The following RPH3A variants were observed in gnomAD, a reference collection of about 807,000 sequenced individuals.
RPH3A encodes the protein rabphilin 3A.
RPH3A carries 48 observed loss-of-function variants against 102.2 expected under a neutral mutation model. The observed-to-expected ratio is 0.47, with a 90% CI of 0.37 to 0.60. The LOEUF (loss-of-function observed/expected upper bound fraction) is 0.60, where lower values mean the gene tolerates loss of function less well. RPH3A is among the 20% of genes least tolerant of loss of function. RPH3A has a pLI of 0.00. For missense variants in RPH3A, 781 were observed against 910.1 expected, an observed-to-expected ratio of 0.86 and a Z score of 1.83; for synonymous variants, 310 against 324.3, an observed-to-expected ratio of 0.96 and a Z score of 0.47.
At chr12:112,712,923 TC>T (rs2040476890) in intron 1 of RPH3A, among the ~76,000 whole-genome samples, 6 of 95,324 alleles carry the variant, frequency 6.3e-5, no homozygotes, top group Admixed American at 3.6e-4. Flanking sequence ...TTCTTCTTCT[TC>T]CTCTTCTTCT....
At chr12:112,827,446 C>T (rs1440255359) in intron 2 of RPH3A, among the ~76,000 whole-genome samples, 10 of 152,080 alleles carry the variant, frequency 6.6e-5, no homozygotes, top group Non-Finnish European at 5.9e-5. Context: ...TTGATCTTCT[C>T]ATCAGTTGGT....
At chr12:112,895,097 G>A (rs994066262) in intron 20 of RPH3A, among the ~76,000 whole-genome samples, 1 of 151,968 alleles carries the variant, frequency 6.6e-6, no homozygotes, top group Admixed American at 6.6e-5. Flanking sequence ...CACTTCAACT[G>A]TATTTATTTA....
chr12:112,852,622 C>G (rs904506721), intron 5 of RPH3A, among the ~76,000 whole-genome samples: 1 of 152,104 alleles, frequency 6.6e-6, no homozygotes, highest in African/African-American at 2.4e-5. Context: ...CTAGCTTGCC[C>G]TAGATGCCTG....
At chr12:112,676,918 G>T (rs1363956307) in intron 1 of RPH3A, among the ~76,000 whole-genome samples, 1 of 152,172 alleles carries the variant, frequency 6.6e-6, no homozygotes, top group East Asian at 1.9e-4. Context: ...GAGGGGCAAG[G>T]TAGCTTTTCT....
At chr12:112,672,576 G>T (rs1202990121) in intron 1 of RPH3A, among the ~76,000 whole-genome samples, 1 of 152,164 alleles carries the variant, frequency 6.6e-6, no homozygotes, top group Non-Finnish European at 1.5e-5. Flanking sequence ...CACAGCTGCA[G>T]GTGCCTTGGT....
At chr12:112,809,593 C>A (rs2041532935) in intron 2 of RPH3A, among the ~76,000 whole-genome samples, 1 of 152,182 alleles carries the variant, frequency 6.6e-6, no homozygotes, top group Admixed American at 6.5e-5. Flanking sequence ...TGGGCCAGCA[C>A]CATGCCAGGA....
At chr12:112,835,356 A>G (rs12320677) in intron 3 of RPH3A, among the ~76,000 whole-genome samples, 9,750 of 152,248 alleles carry the variant, frequency 0.064, 529 homozygotes, top group Admixed American at 0.15. Flanking sequence ...GATGGGGTAA[A>G]ATATTTATTT....
chr12:112,729,339 C>G (rs1310484258), intron 1 of RPH3A, among the ~76,000 whole-genome samples: 3 of 152,070 alleles, frequency 2.0e-5, no homozygotes, highest in Non-Finnish European at 2.9e-5. Flanking sequence ...AGTGTGTCAT[C>G]AAGCCTGGCT....
chr12:112,612,517 G>A (rs928064157), intron 1 of RPH3A, among the ~76,000 whole-genome samples: 1 of 151,024 alleles, frequency 6.6e-6, no homozygotes, highest in Admixed American at 6.6e-5. Context: ...GGCCCTAGAG[G>A]ATCCTAGGAA....
intron 4 of RPH3A, among the ~76,000 whole-genome samples, chr12:112,845,210 G>A (rs545966259): frequency 6.6e-6 from 1 of 152,242 alleles, no homozygotes; most frequent in South Asian, 2.1e-4. Context: ...CTAGAGGCTG[G>A]CCACCATACT....
intron 5 of RPH3A, 127 bp downstream of exon 5, chr12:112,847,969 C>T (rs554437969): frequency 8.2e-5 from 81 of 982,856 alleles, no homozygotes; most frequent in African/African-American, 5.9e-4. Context: ...TTGTGACTTA[C>T]GGGGCCACCT....
Position 112,875,174 on chromosome 12 carries a change from C to A in RPH3A, c.883+4C>A, listed in dbSNP as rs969188093. The A allele has an allele frequency of 6.3e-7, 1 of 1,596,562 alleles. No individual in the cohort carries two copies. The highest frequency in any genetic ancestry group is 8.5e-7 in the Non-Finnish European group (1 of 1,171,816). ...CCACCTCAGCCTGGGCAGCCAGGTA[C>A]CTGCCACTCACCTGCTAGCACCTGC... On this transcript the variant is annotated splice_donor_region_variant and intron_variant, in intron 11 of 21. Coordinates refer to ENST00000389385, the MANE Select transcript of RPH3A (RefSeq NM_001143854.2).
intron 1 of RPH3A, among the ~76,000 whole-genome samples, chr12:112,785,613 C>G (rs1179532708): frequency 6.6e-6 from 1 of 152,154 alleles, no homozygotes; most frequent in Admixed American, 6.5e-5. Context: ...GGGCTCTGCT[C>G]TAAGTGCTTT....
intron 2 of RPH3A, among the ~76,000 whole-genome samples, chr12:112,805,769 C>A (rs1045419761): frequency 1.3e-5 from 2 of 152,178 alleles, no homozygotes; most frequent in African/African-American, 4.8e-5. Flanking sequence ...AATGTCTAGT[C>A]TCTGAATTGC....
chr12:112,706,385 C>T (rs55654449), intron 1 of RPH3A, among the ~76,000 whole-genome samples: 33,678 of 152,042 alleles, frequency 0.22, 4,219 homozygotes, highest in South Asian at 0.36. Flanking sequence ...AAGCCCCAGT[C>T]GCCCACACAG....
intron 1 of RPH3A, among the ~76,000 whole-genome samples, chr12:112,648,569 A>C (rs1377726944): frequency 8.9e-6 from 1 of 112,088 alleles, no homozygotes; most frequent in South Asian, 3.4e-4. Context: ...CCCCATCTCT[A>C]CAAAAAAAAA....
Position 112,895,462 on chromosome 12 carries a change from A to G in RPH3A, c.1858-315A>G, listed in dbSNP as rs373259674. 3.2e-5 allele frequency: 8 copies of G among 251,502 alleles called. No individual in the cohort carries two copies. In the East Asian group the frequency reaches 5.9e-4, roughly 19 times the overall value. The allele number at this position is 251,502 out of a possible 1,614,324, so 15.6% of individuals were successfully genotyped here. On this transcript the variant is annotated intron_variant, in intron 20 of 21. Coordinates refer to ENST00000389385, the MANE Select transcript of RPH3A (RefSeq NM_001143854.2). ...GGGATGCCCCTTCATAAACTACCAG[A>G]GGGGAAGGACTATGTTCATGGCCAT...
At chr12:112,799,119 C>T (rs2041291715) in intron 2 of RPH3A, among the ~76,000 whole-genome samples, 1 of 150,988 alleles carries the variant, frequency 6.6e-6, no homozygotes, top group South Asian at 2.1e-4. Context: ...GGGATGATGG[C>T]TCGCACTTGT....
At chr12:112,827,896 T>TAAA (rs1212781928) in intron 2 of RPH3A, among the ~76,000 whole-genome samples, 8 of 73,912 alleles carry the variant, frequency 1.1e-4, no homozygotes, top group Admixed American at 1.0e-3. Flanking sequence ...TTAAGTATAA[T>TAAA]AAAAAAAAAA....
Sources: gnomAD v4.1 joint callset for allele counts (sites outside exome capture counted in the v4.1 genomes callset) on GRCh38, gnomAD v4.1.1 for gene constraint, MANE v1.5 for transcripts, NCBI Gene and HGNC (gene_info 2026-07-23, HGNC 2026-07-21) for gene names.